TECRL: variants seen among roughly 807,000 people sequenced by gnomAD.
The protein encoded by TECRL is trans-2,3-enoyl-CoA reductase like.
In TECRL, 63 loss-of-function variants were observed where a neutral mutation model predicts 52.8. The observed-to-expected ratio is 1.19, with a 90% CI of 0.97 to 1.47. The LOEUF (loss-of-function observed/expected upper bound fraction) is 1.47, where lower values mean the gene tolerates loss of function less well. Among genes scored for constraint, TECRL ranks in the 40% most tolerant of loss-of-function variants. TECRL has a pLI of 0.00. For synonymous variants in TECRL, 164 were observed against 141.9 expected, an observed-to-expected ratio of 1.16 and a Z score of -1.10; for missense variants, 482 against 429.6, an observed-to-expected ratio of 1.12 and a Z score of -1.08.
At chr4:64,335,569 T>C (rs1198262989) in intron 2 of TECRL, among the ~76,000 whole-genome samples, 1 of 152,186 alleles carries the variant, frequency 6.6e-6, no homozygotes, top group Non-Finnish European at 1.5e-5. Flanking sequence ...TGTGGAGAAA[T>C]TGCCTTCCAT....
At chr4:64,361,743 A>G (rs1038428919) in intron 2 of TECRL, among the ~76,000 whole-genome samples, 1 of 152,162 alleles carries the variant, frequency 6.6e-6, no homozygotes, top group Non-Finnish European at 1.5e-5. Context: ...GATTAAGGAA[A>G]TATCAGCCCA....
chr4:64,395,865 C>A (rs572576621), intron 1 of TECRL, among the ~76,000 whole-genome samples: 2 of 152,072 alleles, frequency 1.3e-5, no homozygotes, highest in African/African-American at 4.8e-5. Context: ...CTATTGTTCC[C>A]TTTTATGTGT....
At chr4:64,291,626 T>G (rs1186012821) in intron 8 of TECRL, among the ~76,000 whole-genome samples, 4 of 151,986 alleles carry the variant, frequency 2.6e-5, no homozygotes, top group Non-Finnish European at 5.9e-5. Context: ...AAATATTTTC[T>G]TCTTCCTGCT....
At chr4:64,407,736 T>A (rs1724825762) in intron 1 of TECRL, among the ~76,000 whole-genome samples, 1 of 151,656 alleles carries the variant, frequency 6.6e-6, no homozygotes, top group Non-Finnish European at 1.5e-5. Context: ...CATAGTGGAA[T>A]ATTATAAACA....
In TECRL at chr4:64,314,590, GGTGTGTGTGTGTGTGTGT is replaced by G. The variant is rs5858876; in HGVS notation, c.551+40_551+57del. On this transcript the variant is annotated intron_variant, in intron 5 of 11. Transcript: ENST00000381210. ...AGTTCATCCCCTCCTTAACGTGTAT[GGTGTGTGTGTGTGTGTGT>G]GTGTGTGTGTGTGTGTGTGTGTGTG... is the stretch of plus-strand genomic sequence containing the variant. The G allele has an allele frequency of 1.3e-3, 988 of 745,830 alleles. 4 individuals carry two copies. The highest frequency in any genetic ancestry group is 7.3e-3 in the African/African-American group (393 of 53,600). The allele number at this position is 745,830 out of a possible 1,614,324, so 46.2% of individuals were successfully genotyped here.
intron 2 of TECRL, among the ~76,000 whole-genome samples, chr4:64,356,234 T>C (rs1334664300): frequency 1.3e-5 from 2 of 152,138 alleles, no homozygotes; most frequent in East Asian, 1.9e-4. Context: ...CCCCATGTGA[T>C]AGTCTGAAAT....
intron 8 of TECRL, among the ~76,000 whole-genome samples, chr4:64,293,170 G>A (rs1039109460): frequency 1.2e-4 from 18 of 151,938 alleles, no homozygotes; most frequent in Admixed American, 1.3e-4. Context: ...CAACTAATAC[G>A]ATATTGAAGA....
At chr4:64,344,155 T>A (rs921207305) in intron 2 of TECRL, among the ~76,000 whole-genome samples, 1 of 150,684 alleles carries the variant, frequency 6.6e-6, no homozygotes, top group African/African-American at 2.4e-5. Flanking sequence ...AGGAAAAAAC[T>A]CATATATATA....
chr4:64,309,980 G>A (rs112447940), intron 5 of TECRL, 49 bp from the exon 6 acceptor site: 2 of 1,262,846 alleles, frequency 1.6e-6, no homozygotes, highest in Non-Finnish European at 1.1e-6. Context: ...TGAAGTTCTG[G>A]CTTGCCTCAT....
Position 64,281,063 on chromosome 4 carries a change from T to G in TECRL, c.942A>C (p.Thr314=). 6.2e-7 allele frequency: 1 copy of G among 1,602,966 alleles called. No homozygotes were observed. Among genetic ancestry groups the G allele is most frequent in the Non-Finnish European group, 8.5e-7 (1 of 1,172,748 alleles). The change falls in exon 11 of 12, where the codon ACA becomes ACC. Residue 314 remains threonine, a synonymous_variant. Coordinates refer to ENST00000381210, the MANE Select transcript of TECRL (RefSeq NM_001010874.5). The stretch of plus-strand genomic sequence containing the variant: ...TACCTGGCAGTGTTTGTGTCATGAC[T>G]GTGAAACTAATCCATGATCCAATCT... ...TYEIGSWISF[T]VMTQTLPVGI...
chr4:64,362,242 G>A (rs1721248931), intron 2 of TECRL, among the ~76,000 whole-genome samples: 1 of 152,040 alleles, frequency 6.6e-6, no homozygotes, highest in Non-Finnish European at 1.5e-5. Context: ...ATCCCTGAAA[G>A]AGATGAAGTG....
At chr4:64,404,552 T>A (rs1724583609) in intron 1 of TECRL, among the ~76,000 whole-genome samples, 1 of 152,102 alleles carries the variant, frequency 6.6e-6, no homozygotes, top group African/African-American at 2.4e-5. Context: ...CTGCTCTCCA[T>A]TTTGTTATCC....
At position 64,369,211 on chromosome 4, in the gene TECRL, T is replaced by A. The variant is rs186474936; in HGVS notation, c.286+5961A>T. 1.2e-4 allele frequency among the ~76,000 whole-genome samples: 18 copies of A among 152,300 alleles called. No individual in the cohort carries two copies. The East Asian group carries it at 3.5e-3, about 29-fold the overall frequency. ...AAATTATGCTTCAGCTGTTAATCATTCATTGACTCTTTCAATTTATATATT... is the reference window on the plus strand; with the variant it reads ...AAATTATGCTTCAGCTGTTAATCATACATTGACTCTTTCAATTTATATATT... On this transcript the variant is annotated intron_variant, in intron 2 of 11. Transcript: ENST00000381210.
intron 2 of TECRL, among the ~76,000 whole-genome samples, chr4:64,374,177 A>G (rs1285019984): frequency 2.0e-5 from 3 of 149,480 alleles, no homozygotes; most frequent in African/African-American, 7.3e-5. Context: ...AGCAAAATAA[A>G]AAATATCACC....
At chr4:64,334,055 A>T (rs1192120196) in intron 2 of TECRL, among the ~76,000 whole-genome samples, 1 of 123,036 alleles carries the variant, frequency 8.1e-6, no homozygotes, top group African/African-American at 3.7e-5. Context: ...AAAAAGAAAA[A>T]GAGAGAATGT....
rs1208764572 is a variant in TECRL at position 64,322,546 on chromosome 4, TC to T, written c.435+142del. The T allele has an allele frequency of 9.6e-6, 4 of 417,084 alleles. No individual in the cohort carries two copies. In the East Asian group the frequency reaches 1.8e-4, roughly 19 times the overall value. 25.8% of individuals were successfully genotyped at this position (417,084 alleles called of 1,614,324 possible). A position where few individuals can be genotyped will look rare whatever the true frequency, so the allele number is the denominator to read the frequency against. ...AATACTTGAGTAGAACTTTGGCCAC[TC>T]GTCATAGTAAGAATAGAAAATTAAA... On this transcript the variant is annotated intron_variant, in intron 4 of 11. Transcript: ENST00000381210.
At chr4:64,347,511 A>G (rs1183655205) in intron 2 of TECRL, among the ~76,000 whole-genome samples, 1 of 152,214 alleles carries the variant, frequency 6.6e-6, no homozygotes, top group African/African-American at 2.4e-5. Flanking sequence ...TTATAAGGAA[A>G]GAGGTTTCGT....
intron 1 of TECRL, among the ~76,000 whole-genome samples, chr4:64,397,185 G>A (rs1166764997): frequency 6.6e-6 from 1 of 151,994 alleles, no homozygotes; most frequent in Admixed American, 6.6e-5. Flanking sequence ...TAGGGAGATT[G>A]CCTTCATTCA....
At chr4:64,323,827 C>G (rs781489515) in intron 3 of TECRL, among the ~76,000 whole-genome samples, 2 of 152,072 alleles carry the variant, frequency 1.3e-5, no homozygotes, top group African/African-American at 4.8e-5. Context: ...CATTAACTGA[C>G]ATGAAGAAGA....
Sources: gnomAD v4.1 joint callset for allele counts (sites outside exome capture counted in the v4.1 genomes callset) on GRCh38, gnomAD v4.1.1 for gene constraint, MANE v1.5 for transcripts, NCBI Gene and HGNC (gene_info 2026-07-23, HGNC 2026-07-21) for gene names.